CATSPERB: variants seen among roughly 807,000 people sequenced by gnomAD.
CATSPERB encodes cation channel sperm-associated auxiliary subunit beta.
CATSPERB carries 93 observed loss-of-function variants against 128.3 expected under a neutral mutation model. That is an observed-to-expected ratio of 0.72 (90% CI 0.61 to 0.86). The LOEUF (loss-of-function observed/expected upper bound fraction) is 0.86. CATSPERB is among the 40% of genes least tolerant of loss of function. The pLI is 0.00. For missense variants in CATSPERB, 1,153 were observed against 1,329.5 expected (o/e 0.87, Z 2.06); for synonymous variants, 381 against 448.8 (o/e 0.85, Z 1.91).
At chr14:91,619,861 T>TTGTGTGTGTGTGTGTG (rs55687285) in intron 19 of CATSPERB, among the ~76,000 whole-genome samples, 6 of 139,126 alleles carry the variant, frequency 4.3e-5, no homozygotes, top group African/African-American at 2.7e-5. Context: ...TGTAATAAAA[T>TTGTGTGTGTGTGTGTG]TGTGTGTGTG....
intron 14 of CATSPERB, among the ~76,000 whole-genome samples, chr14:91,661,148 A>G (rs989452045): frequency 6.6e-6 from 1 of 152,140 alleles, no homozygotes; most frequent in East Asian, 1.9e-4. Flanking sequence ...TGCAAACATT[A>G]CTGGTGAGCA....
intron 14 of CATSPERB, among the ~76,000 whole-genome samples, chr14:91,668,837 C>T (rs950981027): frequency 1.1e-4 from 16 of 152,292 alleles, no homozygotes; most frequent in Admixed American, 9.8e-4. Flanking sequence ...AAACTCTGGA[C>T]ACATCTGAAC....
At chr14:91,652,824 C>G (rs1197936405) in intron 15 of CATSPERB, among the ~76,000 whole-genome samples, 4 of 152,032 alleles carry the variant, frequency 2.6e-5, no homozygotes, top group Admixed American at 6.6e-5. Context: ...GTCTGATCAC[C>G]AGAATCTTAG....
chr14:91,668,535 C>T (rs373087745), intron 14 of CATSPERB, among the ~76,000 whole-genome samples: 2 of 151,920 alleles, frequency 1.3e-5, no homozygotes, highest in Admixed American at 1.3e-4. Flanking sequence ...GCTGGCCACC[C>T]GAGCCAGCAA....
At chr14:91,731,256 C>A (rs775285391) in intron 1 of CATSPERB, among the ~76,000 whole-genome samples, 1 of 152,190 alleles carries the variant, frequency 6.6e-6, no homozygotes, top group Non-Finnish European at 1.5e-5. Context: ...TGCCATCCTG[C>A]AAGCTCAAGA....
At chr14:91,701,832 G>T (rs1201381437) in intron 7 of CATSPERB, among the ~76,000 whole-genome samples, 2 of 151,424 alleles carry the variant, frequency 1.3e-5, no homozygotes, top group Admixed American at 6.6e-5. Context: ...GATTGCTTGA[G>T]CCTAGGAGTT....
Position 91,602,238 on chromosome 14 carries a change from A to G in CATSPERB, c.2709+6056T>C, listed in dbSNP as rs115488120. ...GTATGTTTTCCATCACAAAACCTCT[A>G]TCTCACAATTCTGTACTTGTAAGAG... On this transcript the variant is annotated intron_variant, in intron 22 of 26. Coordinates refer to ENST00000256343, the MANE Select transcript of CATSPERB (RefSeq NM_024764.4). Among the ~76,000 whole-genome samples the G allele has an allele frequency of 2.4e-3, 367 of 152,272 alleles. 2 individuals are homozygous for G. The highest frequency in any genetic ancestry group is 8.5e-3 in the African/African-American group (353 of 41,564).
chr14:91,610,755 T>C, intron 20 of CATSPERB, 78 bp from the exon 21 acceptor site: 1 of 1,328,698 alleles, frequency 7.5e-7, no homozygotes, highest in Admixed American at 2.0e-5. Flanking sequence ...AAATCACATG[T>C]TGAAACCCCA....
Position 91,599,951 on chromosome 14 carries a change from A to T in CATSPERB, c.2710-7949T>A, listed in dbSNP as rs560985889. On this transcript the variant is annotated intron_variant, in intron 22 of 26. Coordinates refer to ENST00000256343, the MANE Select transcript of CATSPERB (RefSeq NM_024764.4). ...GCAGTTCCCAGCTTGAATTTTCCTT[A>T]GTGATATTGGGGGCCCAAGATATTT... Among the ~76,000 whole-genome samples the T allele has an allele frequency of 2.0e-5, 3 of 152,330 alleles. No individual in the cohort carries two copies. The South Asian group carries it at 6.2e-4, about 32-fold the overall frequency.
At chr14:91,702,843 C>CTTAT (rs1895674543) in intron 7 of CATSPERB, among the ~76,000 whole-genome samples, 1 of 151,782 alleles carries the variant, frequency 6.6e-6, no homozygotes, top group African/African-American at 2.4e-5. Context: ...CATGAAATCT[C>CTTAT]TTATTTATTT....
chr14:91,683,278 T>C (rs75446872), intron 11 of CATSPERB, among the ~76,000 whole-genome samples: 8,660 of 152,248 alleles, frequency 0.057, 278 homozygotes, highest in Middle Eastern at 0.092. Flanking sequence ...AATTCCATTC[T>C]GGTACCTCCT....
chr14:91,708,082 G>T, intron 6 of CATSPERB, 59 bp downstream of exon 6: 1 of 1,151,488 alleles, frequency 8.7e-7, no homozygotes, highest in Non-Finnish European at 1.3e-6. Flanking sequence ...TATAGCGGAT[G>T]TCAAAGTTTG....
chr14:91,639,033 T>A, intron 16 of CATSPERB, 63 bp downstream of exon 16: 2 of 1,360,170 alleles, frequency 1.5e-6, no homozygotes, highest in Middle Eastern at 1.8e-4. Flanking sequence ...CATTATTCTA[T>A]GTATTGAATG....
chr14:91,674,562 G>T (rs2043410146), intron 11 of CATSPERB, among the ~76,000 whole-genome samples: 1 of 152,034 alleles, frequency 6.6e-6, no homozygotes, highest in South Asian at 2.1e-4. Flanking sequence ...TAACTGAGTA[G>T]CTTAGATTCA....
intron 2 of CATSPERB, among the ~76,000 whole-genome samples, chr14:91,728,168 T>C (rs1055232897): frequency 2.0e-5 from 3 of 152,136 alleles, no homozygotes; most frequent in African/African-American, 7.2e-5. Context: ...GGCTGGAGTG[T>C]AGTGGAGTGA....
chr14:91,595,178 T>C (rs1893481443), intron 22 of CATSPERB, among the ~76,000 whole-genome samples: 2 of 152,136 alleles, frequency 1.3e-5, no homozygotes, highest in Admixed American at 6.5e-5. Context: ...TGGTATGCTT[T>C]ATTATACTTG....
At chr14:91,633,810 A>C (rs991626042) in intron 17 of CATSPERB, among the ~76,000 whole-genome samples, 4 of 151,974 alleles carry the variant, frequency 2.6e-5, no homozygotes, top group Non-Finnish European at 5.9e-5. Context: ...GAAAACTATG[A>C]AATGCTTAAA....
intron 20 of CATSPERB, among the ~76,000 whole-genome samples, chr14:91,616,817 C>T (rs893455226): frequency 1.5e-5 from 2 of 137,790 alleles, no homozygotes; most frequent in Non-Finnish European, 1.5e-5. Context: ...TCTCGGTTCA[C>T]TGCAACCTCT....
At chr14:91,627,415 T>C (rs971505572) in intron 17 of CATSPERB, among the ~76,000 whole-genome samples, 5 of 152,184 alleles carry the variant, frequency 3.3e-5, no homozygotes, top group African/African-American at 1.2e-4. Context: ...AAATACAGAT[T>C]AACAAGAGAA....
Sources: allele counts gnomAD v4.1 joint callset (sites outside exome capture counted in the v4.1 genomes callset), GRCh38; gene constraint gnomAD v4.1.1; transcripts MANE v1.5; gene names NCBI Gene and HGNC (gene_info 2026-07-23, HGNC 2026-07-21).